ZNF17: variants seen among roughly 807,000 people sequenced by gnomAD.
ZNF17 encodes zinc finger protein 17.
In ZNF17, 4 loss-of-function variants were observed where a neutral mutation model predicts 7.7. The ratio of observed to expected loss-of-function variants is 0.52; its 90% CI spans 0.26 to 1.20. The LOEUF is 1.20. Among genes scored for constraint, ZNF17 ranks in the 50% most tolerant of loss-of-function variants. The pLI is 0.14. For synonymous variants in ZNF17, 249 were observed against 258.8 expected, an observed-to-expected ratio of 0.96 and a Z score of 0.36; for missense variants, 738 against 799.5, an observed-to-expected ratio of 0.92 and a Z score of 0.93.
In ZNF17 at chr19:57,418,046, C is replaced by A; in HGVS notation, c.148+8C>A. On this transcript the variant is annotated splice_region_variant and intron_variant, in intron 3 of 3. Coordinates refer to ENST00000307658, the MANE Select transcript of ZNF17 (RefSeq NM_001330617.2). ...CACTTTTGTCCTCAGTAGGTAAGGC[C>A]CTGACACCTACGTCAGTGTCTTGTG... The A allele has an allele frequency of 6.2e-7, 1 of 1,610,222 alleles. No homozygotes were observed. The highest frequency in any genetic ancestry group is 1.7e-4 in the Middle Eastern group (1 of 6,038).
chr19:57,419,881 AAG>A lies in ZNF17; in HGVS notation c.396_397del (p.Gly133GlufsTer7). On this transcript the variant is annotated frameshift_variant, in exon 4 of 4. Coordinates refer to ENST00000307658, the MANE Select transcript of ZNF17 (RefSeq NM_001330617.2). LOFTEE classifies it low-confidence loss of function (END_TRUNC). ...AGAGAGAAGCTCACCAGAAGTGATG[AAG>A]GGAGGCCTTCGTTTGTGAATGACAG... is the stretch of plus-strand genomic sequence containing the variant. 1 of 1,614,218 alleles carries A rather than the reference AAG, an allele frequency of 6.2e-7. No individual in the cohort carries two copies. Among genetic ancestry groups the A allele is most frequent in the Non-Finnish European group, 8.5e-7 (1 of 1,180,050 alleles).
In ZNF17 at chr19:57,421,773, C is replaced by G. The variant is rs553826255; in HGVS notation, c.*292C>G. ...CCGCTCTGTATGAATTTTACTAGTC[C>G]GGGTACCTCATATAAGAAAACTTAA... On this transcript the variant is annotated 3_prime_UTR_variant, in exon 4 of 4. Coordinates refer to ENST00000307658, the MANE Select transcript of ZNF17 (RefSeq NM_001330617.2). 3 of 273,594 alleles carry G rather than the reference C, an allele frequency of 1.1e-5. No homozygotes were observed. Among genetic ancestry groups the G allele is most frequent in the Non-Finnish European group, 2.0e-5 (3 of 147,900 alleles). The allele number at this position is 273,594 out of a possible 1,614,324, so 16.9% of individuals were successfully genotyped here.
Position 57,420,366 on chromosome 19 carries a change from C to T in ZNF17, c.880C>T (p.His294Tyr), listed in dbSNP as rs1379621764. 1.2e-6 allele frequency: 2 copies of T among 1,614,094 alleles called. No individual in the cohort carries two copies. The highest frequency in any genetic ancestry group is 1.1e-5 in the South Asian group (1 of 91,078). ...TCTTAGAAAGTCTCACCTACTTCAG[C>T]ACCAGAGGATTCACACCAGGCCAAG... ...AFLRKSHLLQHQRIHTRPRPY... is the reference protein window; with the variant it reads ...AFLRKSHLLQYQRIHTRPRPY... The change falls in exon 4 of 4, where the codon CAC (histidine) becomes TAC (tyrosine). Residue 294 changes from histidine (H) to tyrosine (Y), a missense_variant. His to Tyr is a moderately conservative substitution (Grantham distance 83). This residue lies in a region of ZNF17 where 616 missense variants were observed against 663.9 expected (regional missense o/e 0.93). Coordinates refer to ENST00000307658, the MANE Select transcript of ZNF17 (RefSeq NM_001330617.2).
At chr19:57,414,154 C>A (rs1380995982) in intron 2 of ZNF17, among the ~76,000 whole-genome samples, 1 of 152,156 alleles carries the variant, frequency 6.6e-6, no homozygotes, top group Non-Finnish European at 1.5e-5. Context: ...CTGCCCCGGC[C>A]TCCCGAGTAG....
At chr19:57,413,713 G>A in intron 2 of ZNF17, 77 bp downstream of exon 2, 1 of 1,500,664 alleles carries the variant, frequency 6.7e-7, no homozygotes, top group South Asian at 1.2e-5. Flanking sequence ...GTGTTATCCT[G>A]AGACTGTTCA....
intron 1 of ZNF17, among the ~76,000 whole-genome samples, chr19:57,413,024 T>C (rs945076321): frequency 6.6e-6 from 1 of 151,978 alleles, no homozygotes; most frequent in Non-Finnish European, 1.5e-5. Context: ...ATTACAGACA[T>C]GCGCCACCAT....
At position 57,420,470 on chromosome 19, in the gene ZNF17, A is replaced by C; in HGVS notation, c.984A>C (p.Gly328=). 6.2e-7 allele frequency: 1 copy of C among 1,614,192 alleles called. No individual in the cohort carries two copies. Among genetic ancestry groups the C allele is most frequent in the Non-Finnish European group, 8.5e-7 (1 of 1,180,040 alleles). The change falls in exon 4 of 4, where the codon GGA becomes GGC. Residue 328 remains glycine, a synonymous_variant. Coordinates refer to ENST00000307658, the MANE Select transcript of ZNF17 (RefSeq NM_001330617.2). The part of the protein sequence containing the change: ...HLVGHQKIHT[G]ERPYGCNECG... ...TTGGTCACCAGAAAATTCATACTGG[A>C]GAACGGCCTTATGGATGCAATGAAT...
At chr19:57,418,146 G>C (rs1398903846) in intron 3 of ZNF17, 108 bp downstream of exon 3, 1 of 1,415,492 alleles carries the variant, frequency 7.1e-7, no homozygotes, top group African/African-American at 1.4e-5. Context: ...ATCCTCTCCT[G>C]GTTTCCTGGC....
At position 57,420,422 on chromosome 19, in the gene ZNF17, C is replaced by G; in HGVS notation, c.936C>G (p.Ala312=). 3 of 1,614,160 alleles carry G rather than the reference C, an allele frequency of 1.9e-6. No individual in the cohort carries two copies. The highest frequency in any genetic ancestry group is 2.5e-6 in the Non-Finnish European group (3 of 1,180,042). ...RPYVCSECGK[A]FLTQAHLVGH... is the part of the protein sequence containing the mutation. The stretch of plus-strand genomic sequence containing the variant: ...ATGTGTGTAGTGAATGTGGGAAGGC[C>G]TTCCTTACACAGGCTCACCTTGTTG... The change falls in exon 4 of 4, where the codon GCC becomes GCG. Residue 312 remains alanine (A), a synonymous_variant. Transcript: ENST00000307658.
chr19:57,411,678 C>G, intron 1 of ZNF17: 15 of 1,336,120 alleles, frequency 1.1e-5, no homozygotes, highest in Non-Finnish European at 1.4e-5. Context: ...CCTGGGAGGG[C>G]AGCGGAGCTG....
At position 57,420,604 on chromosome 19, in the gene ZNF17, G is replaced by C. The variant is rs756370242; in HGVS notation, c.1118G>C (p.Cys373Ser). The C allele has an allele frequency of 3.1e-6, 5 of 1,613,568 alleles. No homozygotes were observed. The South Asian group carries it at 5.5e-5, about 18-fold the overall frequency. Residue 373 changes from cysteine to serine, a missense_variant, in exon 4 of 4, where the codon TGC becomes TCC. By Grantham distance (112) the Cys-to-Ser change is moderately radical. This residue lies in a region of ZNF17 where 616 missense variants were observed against 663.9 expected (regional missense o/e 0.93). Transcript: ENST00000307658. ...TGTGGGAAATTCTTTATGGACAGCT[G>C]CACACTCATTATTCACCAGAGAGTT... Reference protein sequence around the residue: ...CECGKFFMDSCTLIIHQRVHT... With the variant: ...CECGKFFMDSSTLIIHQRVHT...
intron 2 of ZNF17, among the ~76,000 whole-genome samples, chr19:57,415,403 C>T (rs1014559968): frequency 2.6e-5 from 4 of 151,964 alleles, no homozygotes; most frequent in African/African-American, 7.3e-5. Context: ...TCCAGAGACT[C>T]GAGTAGAGGT....
chr19:57,413,662 C>G (rs959048674), intron 2 of ZNF17, 26 bp downstream of exon 2: 5 of 1,535,956 alleles, frequency 3.3e-6, no homozygotes, highest in Non-Finnish European at 8.7e-7. Context: ...TTCCAGCTTT[C>G]ACCCATCCCA....
intron 2 of ZNF17, among the ~76,000 whole-genome samples, chr19:57,415,170 TG>T (rs1168515501): frequency 1.3e-5 from 2 of 151,338 alleles, no homozygotes; most frequent in East Asian, 1.9e-4. Context: ...GTGGGAGGGG[TG>T]GGTGGCTTCT....
At chr19:57,412,052 C>G (rs549356518) in intron 1 of ZNF17, among the ~76,000 whole-genome samples, 2 of 139,816 alleles carry the variant, frequency 1.4e-5, no homozygotes, top group African/African-American at 2.8e-5. Flanking sequence ...TTTTGGAGGG[C>G]AGATCATGGG....
Position 57,413,735 on chromosome 19 carries a change from C to G in ZNF17, c.21+99C>G, listed in dbSNP as rs1219655489. 5 of 1,442,432 alleles carry G rather than the reference C, an allele frequency of 3.5e-6. No homozygotes were observed. In the Admixed American group the frequency reaches 5.9e-5, roughly 17 times the overall value. The allele number at this position is 1,442,432 out of a possible 1,614,324, so 89.4% of individuals were successfully genotyped here. A position where few individuals can be genotyped will look rare whatever the true frequency, so the allele number is the denominator to read the frequency against. On this transcript the variant is annotated intron_variant, in intron 2 of 3. Transcript: ENST00000307658. ...CCTGAGACTGTTCACCTTTTCTTCTCTCTCCCTTGGGTCCAAGGAGAGCCT... is the reference window on the plus strand; with the variant it reads ...CCTGAGACTGTTCACCTTTTCTTCTGTCTCCCTTGGGTCCAAGGAGAGCCT...
In ZNF17 at chr19:57,420,883, ACT is replaced by A. The variant is rs762529514; in HGVS notation, c.1400_1401del (p.Ser467TrpfsTer6). ...ACACTGAATAGACATCAGAGAGTTC[ACT>A]CTGGAGAGAGGCCTTATGAATGCAG... On this transcript the variant is annotated frameshift_variant, in exon 4 of 4. Coordinates refer to ENST00000307658, the MANE Select transcript of ZNF17 (RefSeq NM_001330617.2). LOFTEE classifies it low-confidence loss of function (END_TRUNC). The A allele has an allele frequency of 6.2e-7, 1 of 1,614,058 alleles. No homozygotes were observed. The highest frequency in any genetic ancestry group is 1.3e-5 in the African/African-American group (1 of 74,934).
chr19:57,419,523 GC>G, intron 3 of ZNF17, 111 bp from the exon 4 acceptor site: 1 of 1,189,308 alleles, frequency 8.4e-7, no homozygotes, highest in Non-Finnish European at 1.2e-6. Flanking sequence ...AATGTCCCAT[GC>G]CTGTCACCAA....
At chr19:57,419,373 A>G (rs1020646844) in intron 3 of ZNF17, 6 of 371,562 alleles carry the variant, frequency 1.6e-5, no homozygotes, top group Non-Finnish European at 2.5e-5. Context: ...AAAGCCATTC[A>G]CTGAGGAGTA....
Sources: gnomAD v4.1 joint callset for allele counts (sites outside exome capture counted in the v4.1 genomes callset) on GRCh38, gnomAD v4.1.1 for gene constraint, gnomAD v4.1.1 regional missense constraint, MANE v1.5 for transcripts, NCBI Gene and HGNC (gene_info 2026-07-23, HGNC 2026-07-21) for gene names.